PARD3: variants seen among roughly 807,000 people sequenced by gnomAD.
The protein encoded by PARD3 is par-3 family cell polarity regulator.
Under a neutral mutation model 155.4 loss-of-function variants are expected in PARD3, and 75 were observed. That is an observed-to-expected ratio of 0.48 (90% confidence interval 0.40 to 0.58). The LOEUF (loss-of-function observed/expected upper bound fraction) is 0.58. PARD3 is among the 20% of genes least tolerant of loss of function. The probability of loss-of-function intolerance (pLI) is 0.00; values close to 1 mark genes in which losing one functional copy is unlikely to be tolerated. For missense variants in PARD3, 1,642 were observed against 1,721.7 expected, an observed-to-expected ratio of 0.95 and a Z score of 0.82; for synonymous variants, 576 against 610.5, an observed-to-expected ratio of 0.94 and a Z score of 0.83.
chr10:34,754,898 G>A (rs1285710670), intron 1 of PARD3, among the ~76,000 whole-genome samples: 1 of 152,174 alleles, frequency 6.6e-6, no homozygotes, highest in Admixed American at 6.5e-5. Context: ...ACAGTGATGA[G>A]AACATGAGGT....
intron 2 of PARD3, among the ~76,000 whole-genome samples, chr10:34,573,889 GC>G (rs1316236772): frequency 3.3e-5 from 5 of 152,090 alleles, no homozygotes; most frequent in African/African-American, 1.2e-4. Flanking sequence ...GAGGAGCTCT[GC>G]CACCCAGTGG....
chr10:34,633,860 G>C (rs1240994137), intron 2 of PARD3, among the ~76,000 whole-genome samples: 1 of 152,106 alleles, frequency 6.6e-6, no homozygotes, highest in Non-Finnish European at 1.5e-5. Context: ...GGGTCTTCTG[G>C]ATAACAGCTA....
chr10:34,491,965 A>C (rs181055077), intron 3 of PARD3, among the ~76,000 whole-genome samples: 8 of 152,346 alleles, frequency 5.3e-5, no homozygotes, highest in African/African-American at 7.2e-5. Context: ...TAAGAAATGC[A>C]TTTTAATTGT....
At chr10:34,814,112 CCT>C (rs1318084023) in intron 1 of PARD3, among the ~76,000 whole-genome samples, 1 of 152,176 alleles carries the variant, frequency 6.6e-6, no homozygotes, top group East Asian at 1.9e-4. Flanking sequence ...GAGCTGAGGT[CCT>C]CGCAGGAAAA....
chr10:34,571,141 T>G (rs1266382535), intron 2 of PARD3, among the ~76,000 whole-genome samples: 1 of 152,024 alleles, frequency 6.6e-6, no homozygotes, highest in Non-Finnish European at 1.5e-5. Context: ...CAAGACCCTA[T>G]CTCTACAAAA....
intron 2 of PARD3, among the ~76,000 whole-genome samples, chr10:34,633,095 G>A (rs915786782): frequency 6.6e-5 from 10 of 152,220 alleles, no homozygotes; most frequent in Middle Eastern, 6.8e-3. Flanking sequence ...TGATGTTATT[G>A]TTTAATACAA....
At chr10:34,443,044 GCAGAT>G (rs773835258) in intron 5 of PARD3, among the ~76,000 whole-genome samples, 3 of 151,802 alleles carry the variant, frequency 2.0e-5, no homozygotes, top group Non-Finnish European at 4.4e-5. Flanking sequence ...TTCTATGTAG[GCAGAT>G]CAGTGGAAAA....
intron 2 of PARD3, among the ~76,000 whole-genome samples, chr10:34,578,512 T>C (rs1184618125): frequency 6.6e-6 from 1 of 152,210 alleles, no homozygotes; most frequent in African/African-American, 2.4e-5. Flanking sequence ...CAACTAATAT[T>C]TATTGAGAAC....
chr10:34,535,521 C>T (rs895853520), intron 2 of PARD3, among the ~76,000 whole-genome samples: 20 of 152,216 alleles, frequency 1.3e-4, no homozygotes, highest in African/African-American at 4.3e-4. Context: ...TAGTCTCACT[C>T]TGTCGCCCAG....
intron 20 of PARD3, among the ~76,000 whole-genome samples, chr10:34,307,512 T>G (rs1957473687): frequency 6.6e-6 from 1 of 152,130 alleles, no homozygotes; most frequent in Non-Finnish European, 1.5e-5. Flanking sequence ...GGGCCTGGGA[T>G]TCCACATTTC....
intron 2 of PARD3, among the ~76,000 whole-genome samples, chr10:34,594,739 G>A (rs1564392314): frequency 6.6e-6 from 1 of 152,166 alleles, no homozygotes; most frequent in Non-Finnish European, 1.5e-5. Context: ...GGTGAGGTGA[G>A]AGGATCACTT....
chr10:34,315,854 A>C (rs780017910), intron 20 of PARD3, among the ~76,000 whole-genome samples: 3 of 152,228 alleles, frequency 2.0e-5, no homozygotes, highest in Non-Finnish European at 4.4e-5. Flanking sequence ...AGAGACAGAA[A>C]TCTAATCACA....
intron 2 of PARD3, among the ~76,000 whole-genome samples, chr10:34,587,229 T>A (rs960917416): frequency 6.6e-6 from 1 of 151,988 alleles, no homozygotes; most frequent in Non-Finnish European, 1.5e-5. Context: ...GTTCAAGCAA[T>A]CTCCTGTCTC....
At chr10:34,636,853 G>A (rs550248140) in intron 2 of PARD3, among the ~76,000 whole-genome samples, 3 of 152,306 alleles carry the variant, frequency 2.0e-5, no homozygotes, top group Admixed American at 6.5e-5. Context: ...AAATAAGCAC[G>A]AAACAGGAAA....
At chr10:34,505,988 T>C (rs1192722359) in intron 3 of PARD3, among the ~76,000 whole-genome samples, 3 of 151,996 alleles carry the variant, frequency 2.0e-5, no homozygotes, top group Non-Finnish European at 4.4e-5. Context: ...CAGCCGGGAA[T>C]TGTGGCAGGT....
At chr10:34,581,234 CTT>C (rs779658592) in intron 2 of PARD3, among the ~76,000 whole-genome samples, 8 of 101,234 alleles carry the variant, frequency 7.9e-5, no homozygotes, top group South Asian at 6.9e-4. Flanking sequence ...TTTTTCTTTT[CTT>C]TTTTTTTTTT....
intron 12 of PARD3, among the ~76,000 whole-genome samples, chr10:34,365,423 T>G (rs1156902815): frequency 6.6e-6 from 1 of 152,156 alleles, no homozygotes. Flanking sequence ...CCATAACATA[T>G]TTTTATGAAT....
intron 2 of PARD3, among the ~76,000 whole-genome samples, chr10:34,557,299 C>T (rs1022556192): frequency 1.3e-5 from 2 of 152,114 alleles, no homozygotes; most frequent in African/African-American, 2.4e-5. Context: ...GTACCCAACA[C>T]ATCATACAGA....
intron 3 of PARD3, among the ~76,000 whole-genome samples, chr10:34,499,763 C>T (rs2080553383): frequency 6.6e-6 from 1 of 152,190 alleles, no homozygotes; most frequent in Non-Finnish European, 1.5e-5. Context: ...GCTAGTTTGA[C>T]AGGGCTGAGA....
Sources: allele counts gnomAD v4.1 joint callset (sites outside exome capture counted in the v4.1 genomes callset), GRCh38; gene constraint gnomAD v4.1.1; transcripts MANE v1.5; gene names NCBI Gene and HGNC (gene_info 2026-07-23, HGNC 2026-07-21).